LHPP: variants seen among roughly 807,000 people sequenced by gnomAD.
LHPP encodes hLHPP.
LHPP carries 24 observed loss-of-function variants against 30.3 expected under a neutral mutation model. The observed-to-expected ratio is 0.79, with a 90% confidence interval of 0.57 to 1.11. LHPP has a LOEUF of 1.11. Ranked by LOEUF, LHPP falls within the 50% of genes most tolerant of loss-of-function variation. The pLI is 0.00. For synonymous variants in LHPP, 150 were observed against 157.1 expected, an observed-to-expected ratio of 0.95 and a Z score of 0.34; for missense variants, 356 against 367.2, an observed-to-expected ratio of 0.97 and a Z score of 0.25.
At position 124,593,501 on chromosome 10, in the gene LHPP, T is replaced by C. The variant is rs1432188563; in HGVS notation, c.717-19763T>C. ...GTTGTTTCCAGCATTAGAGTCACAC[T>C]GGGGTCCTTGTTCTAGCCCCCGTGT... On this transcript the variant is annotated intron_variant, in intron 6 of 6. Transcript: ENST00000368842. This position sits in a 1 kb window ranked among gnomAD's most constrained non-coding sequence, Gnocchi z 4.9. 6.6e-6 allele frequency among the ~76,000 whole-genome samples: 1 copy of C among 152,198 alleles called. No individual in the cohort carries two copies. Among genetic ancestry groups the C allele is most frequent in the Non-Finnish European group, 1.5e-5 (1 of 68,038 alleles).
chr10:124,594,677 C>T (rs1201429373), intron 6 of LHPP, among the ~76,000 whole-genome samples: 3 of 150,868 alleles, frequency 2.0e-5, no homozygotes, highest in Non-Finnish European at 1.5e-5. Flanking sequence ...GTCACCCAGG[C>T]TGGAATGCAG....
chr10:124,525,077 G>A (rs955179397), intron 6 of LHPP, among the ~76,000 whole-genome samples: 1 of 152,190 alleles, frequency 6.6e-6, no homozygotes, highest in African/African-American at 2.4e-5. Flanking sequence ...GACTGGGCCT[G>A]CTTTCTTCTC....
chr10:124,568,074 C>T (rs1396461867), intron 6 of LHPP, among the ~76,000 whole-genome samples: 3 of 151,986 alleles, frequency 2.0e-5, no homozygotes, highest in South Asian at 2.1e-4. Flanking sequence ...CCACCACGCC[C>T]GGCTAATTTT....
intron 6 of LHPP, among the ~76,000 whole-genome samples, chr10:124,606,662 C>G (rs1451128482): frequency 1.3e-5 from 2 of 152,264 alleles, no homozygotes; most frequent in Non-Finnish European, 2.9e-5. Context: ...AGAGACCGGC[C>G]CTGGGCCATG....
At chr10:124,498,782 A>G (rs773260860) in intron 5 of LHPP, 1 of 442,296 alleles carries the variant, frequency 2.3e-6, no homozygotes, top group South Asian at 1.6e-5. Flanking sequence ...CGATCCTGCC[A>G]TCTCAGTGCC....
intron 6 of LHPP, among the ~76,000 whole-genome samples, chr10:124,565,360 A>T (rs1428624226): frequency 6.6e-6 from 1 of 152,154 alleles, no homozygotes; most frequent in Non-Finnish European, 1.5e-5. Flanking sequence ...GTCGAGAAAT[A>T]CAGACAGGTG....
intron 2 of LHPP, among the ~76,000 whole-genome samples, chr10:124,485,897 G>C (rs188263193): frequency 1.3e-5 from 2 of 152,056 alleles, no homozygotes; most frequent in Non-Finnish European, 2.9e-5. Flanking sequence ...CACCGCCTCC[G>C]GTCTTACTTG....
chr10:124,591,584 C>A (rs988431017), intron 6 of LHPP, among the ~76,000 whole-genome samples: 2 of 152,060 alleles, frequency 1.3e-5, no homozygotes, highest in African/African-American at 4.8e-5. Context: ...AGGTGGCCAG[C>A]ACTGTGTCCG....
At chr10:124,553,688 T>C (rs529849078) in intron 6 of LHPP, among the ~76,000 whole-genome samples, 21 of 152,274 alleles carry the variant, frequency 1.4e-4, no homozygotes, top group Admixed American at 2.6e-4. Context: ...CTCGATCTCC[T>C]GACCTTGTGA....
chr10:124,567,799 C>T (rs1948516936), intron 6 of LHPP, among the ~76,000 whole-genome samples: 1 of 152,260 alleles, frequency 6.6e-6, no homozygotes, highest in Non-Finnish European at 1.5e-5. Flanking sequence ...GACACACATG[C>T]GCATGCATGC....
intron 3 of LHPP, chr10:124,489,896 G>A: frequency 5.2e-6 from 1 of 191,748 alleles, no homozygotes. Flanking sequence ...CCCATTCCCA[G>A]CCTCAGCTTT....
At position 124,578,532 on chromosome 10, in the gene LHPP, G is replaced by A. The variant is rs117729433; in HGVS notation, c.717-34732G>A. Among the ~76,000 whole-genome samples, 262 of 152,350 alleles carry A rather than the reference G, an allele frequency of 1.7e-3. 5 individuals carry two copies. In the East Asian group the frequency reaches 0.041, roughly 24 times the overall value. ...CGCAAACGGTTACCACTGGTGTGACGGGCTCTGATCAGGAGGCACAGGGTG... is the reference window on the plus strand; with the variant it reads ...CGCAAACGGTTACCACTGGTGTGACAGGCTCTGATCAGGAGGCACAGGGTG... On this transcript the variant is annotated intron_variant, in intron 6 of 6. Transcript: ENST00000368842.
chr10:124,599,420 C>T (rs1366883564), intron 6 of LHPP, among the ~76,000 whole-genome samples: 2 of 152,236 alleles, frequency 1.3e-5, no homozygotes, highest in African/African-American at 4.8e-5. Context: ...CTCTGAGTGG[C>T]CATTTGCCCA....
chr10:124,508,983 A>C (rs1954234249), intron 5 of LHPP, among the ~76,000 whole-genome samples: 1 of 152,096 alleles, frequency 6.6e-6, no homozygotes, highest in South Asian at 2.1e-4. Context: ...CCAGGTCATA[A>C]GCCTAGTACC....
At chr10:124,483,753 A>G (rs535948966) in intron 1 of LHPP, among the ~76,000 whole-genome samples, 30 of 151,986 alleles carry the variant, frequency 2.0e-4, no homozygotes, top group African/African-American at 6.8e-4. Flanking sequence ...GCGAGACTCC[A>G]TCTCAAAAAT....
chr10:124,590,136 C>T lies in LHPP; in HGVS notation c.717-23128C>T, dbSNP rs906799390. On this transcript the variant is annotated intron_variant, in intron 6 of 6. Coordinates refer to ENST00000368842, the MANE Select transcript of LHPP (RefSeq NM_022126.4). The surrounding 1 kb of genome is among the most constrained non-coding windows in gnomAD (Gnocchi z 4.3). ...CAGCTCATTCGATTCGTTCATGTGA[C>T]GTCCTCCCTCTCCCAATCCCTGTCT... 2.6e-5 allele frequency among the ~76,000 whole-genome samples: 4 copies of T among 152,192 alleles called. No individual in the cohort carries two copies. The highest frequency in any genetic ancestry group is 7.2e-5 in the African/African-American group (3 of 41,450).
chr10:124,501,728 G>T (rs1290030691), intron 5 of LHPP, among the ~76,000 whole-genome samples: 1 of 151,556 alleles, frequency 6.6e-6, no homozygotes, highest in Non-Finnish European at 1.5e-5. Flanking sequence ...TTTATGTAAT[G>T]TGTATTTTAC....
At chr10:124,553,776 GT>G (rs1334024602) in intron 6 of LHPP, among the ~76,000 whole-genome samples, 2 of 152,216 alleles carry the variant, frequency 1.3e-5, no homozygotes, top group African/African-American at 2.4e-5. Context: ...ATTCTTGAAT[GT>G]TGTATGACTC....
rs1262165415 is a variant in LHPP, at chr10:124,488,366, G to A, written c.314-56G>A. On this transcript the variant is annotated intron_variant, in intron 2 of 6. Coordinates refer to ENST00000368842, the MANE Select transcript of LHPP (RefSeq NM_022126.4). ...AGGTGTCCCTGGTAGGAGATGGGGA[G>A]GTAGGCCATGTCCTCCCAGGGCTCC... 3.3e-6 allele frequency: 5 copies of A among 1,530,826 alleles called. No homozygotes were observed. In the East Asian group the frequency reaches 1.1e-4, roughly 35 times the overall value. 94.8% of individuals were successfully genotyped at this position (1,530,826 alleles called of 1,614,324 possible).
Sources: allele counts gnomAD v4.1 joint callset (sites outside exome capture counted in the v4.1 genomes callset), GRCh38; gene constraint gnomAD v4.1.1; non-coding constraint Gnocchi (gnomAD v3.1); transcripts MANE v1.5; gene names NCBI Gene and HGNC (gene_info 2026-07-23, HGNC 2026-07-21).